The following NUCB2 variants were observed in gnomAD, a reference collection of about 807,000 sequenced individuals.
The protein encoded by NUCB2 is nucleobindin-2.
Under a neutral mutation model 57.9 loss-of-function variants are expected in NUCB2, and 48 were observed. The ratio of observed to expected loss-of-function variants is 0.83; its 90% CI spans 0.66 to 1.05. The LOEUF (loss-of-function observed/expected upper bound fraction) is 1.05, where lower values mean the gene tolerates loss of function less well. Among genes scored for constraint, NUCB2 ranks in the 50% least tolerant of loss-of-function variants. The pLI, the probability that NUCB2 is intolerant of heterozygous loss-of-function variation, is 0.00. For synonymous variants in NUCB2, 139 were observed against 152.1 expected (o/e 0.91, Z 0.64); for missense variants, 442 against 476.2 (o/e 0.93, Z 0.67).
At chr11:17,285,446 A>G (rs1308629410) in intron 2 of NUCB2, among the ~76,000 whole-genome samples, 3 of 152,020 alleles carry the variant, frequency 2.0e-5, no homozygotes, top group Admixed American at 6.6e-5. Flanking sequence ...GCATGGTGGC[A>G]TGCGCCTGTA....
intron 10 of NUCB2, among the ~76,000 whole-genome samples, chr11:17,313,429 C>T (rs1467250150): frequency 6.6e-6 from 1 of 152,060 alleles, no homozygotes; most frequent in African/African-American, 2.4e-5. Context: ...ACTCGGGAGG[C>T]TGAGGCATGA....
At chr11:17,291,994 G>A (rs1191897097) in intron 2 of NUCB2, among the ~76,000 whole-genome samples, 1 of 151,996 alleles carries the variant, frequency 6.6e-6, no homozygotes, top group East Asian at 1.9e-4. Context: ...CATTTTAAAT[G>A]AATGGTGTGA....
At chr11:17,296,285 ATAAC>A (rs1945808329) in intron 4 of NUCB2, 74 bp downstream of exon 4, 1 of 816,910 alleles carries the variant, frequency 1.2e-6, no homozygotes, top group South Asian at 2.1e-5. Context: ...GTCTCACCAT[ATAAC>A]CCAGGTTGGC....
chr11:17,335,235 T>C (rs1280560934), downstream of NUCB2, among the ~76,000 whole-genome samples: 1 of 151,920 alleles, frequency 6.6e-6, no homozygotes, highest in African/African-American at 2.4e-5. Flanking sequence ...TGATGACTAC[T>C]ATCTGTGACA....
chr11:17,279,120 A>G (rs889159375), intron 1 of NUCB2, among the ~76,000 whole-genome samples: 1 of 152,158 alleles, frequency 6.6e-6, no homozygotes, highest in African/African-American at 2.4e-5. Context: ...TTGAACCTGG[A>G]GGCGGAGGTT....
chr11:17,293,769 C>G (rs1400965152), intron 2 of NUCB2, among the ~76,000 whole-genome samples: 2 of 152,076 alleles, frequency 1.3e-5, no homozygotes, highest in African/African-American at 2.4e-5. Context: ...AAACATACTG[C>G]TAAGTGATAA....
chr11:17,289,997 A>T (rs1944652340), intron 2 of NUCB2, among the ~76,000 whole-genome samples: 1 of 152,260 alleles, frequency 6.6e-6, no homozygotes, highest in South Asian at 2.1e-4. Flanking sequence ...TATTGGAGGC[A>T]TAGTTGGTTT....
At chr11:17,293,913 AT>A (rs1194099804) in intron 2 of NUCB2, among the ~76,000 whole-genome samples, 1 of 152,192 alleles carries the variant, frequency 6.6e-6, no homozygotes, top group African/African-American at 2.4e-5. Context: ...TGAGTGACTG[AT>A]AATGGGTATG....
intron 4 of NUCB2, among the ~76,000 whole-genome samples, chr11:17,299,542 C>T (rs1463986453): frequency 6.6e-6 from 1 of 152,060 alleles, no homozygotes; most frequent in Non-Finnish European, 1.5e-5. Flanking sequence ...CTTATAGAGG[C>T]CCACTGACTT....
intron 11 of NUCB2, among the ~76,000 whole-genome samples, chr11:17,323,436 T>C (rs1212232894): frequency 1.3e-5 from 2 of 152,188 alleles, no homozygotes; most frequent in Non-Finnish European, 2.9e-5. Flanking sequence ...GGCCGTGATG[T>C]ATGATCTTTT....
chr11:17,284,199 G>A (rs527726299), intron 2 of NUCB2, among the ~76,000 whole-genome samples: 22 of 152,126 alleles, frequency 1.4e-4, no homozygotes, highest in Middle Eastern at 3.4e-3. Context: ...TGTATTTTTA[G>A]TAGAGATGGG....
intron 2 of NUCB2, among the ~76,000 whole-genome samples, chr11:17,339,160 G>GT (rs1489640815): frequency 6.6e-6 from 1 of 151,366 alleles, no homozygotes. Context: ...GCTAATTTTT[G>GT]TTTTTTCAGT....
chr11:17,330,868 G>A lies in NUCB2; in HGVS notation c.1174-34G>A, dbSNP rs1447902800. On this transcript the variant is annotated intron_variant, in intron 12 of 13. Transcript: ENST00000529010. The surrounding 1 kb of genome is among the most constrained non-coding windows in gnomAD (Gnocchi z 4.3). ...GGTCACACATATGATAGAAAATCAA[G>A]TTATACTTTTAACTTTCATTTTCCA... is the stretch of plus-strand genomic sequence containing the variant. 8.0e-7 allele frequency: 1 copy of A among 1,253,676 alleles called. No homozygotes were observed. The highest frequency in any genetic ancestry group is 1.2e-6 in the Non-Finnish European group (1 of 852,004). The allele number at this position is 1,253,676 out of a possible 1,614,324, so 77.7% of individuals were successfully genotyped here. A position where few individuals can be genotyped will look rare whatever the true frequency, so the allele number is the denominator to read the frequency against.
chr11:17,288,442 C>T (rs1330358035), intron 2 of NUCB2, among the ~76,000 whole-genome samples: 1 of 152,108 alleles, frequency 6.6e-6, no homozygotes, highest in Admixed American at 6.6e-5. Context: ...GTCTTCTTAC[C>T]TCAGCTTCCT....
chr11:17,300,441 C>CT (rs919416513), intron 4 of NUCB2, among the ~76,000 whole-genome samples: 1 of 152,178 alleles, frequency 6.6e-6, no homozygotes. Context: ...AATTGCGCCC[C>CT]TTTCCCCAAC....
intron 1 of NUCB2, among the ~76,000 whole-genome samples, chr11:17,278,093 G>T (rs879555091): frequency 6.7e-6 from 1 of 148,978 alleles, no homozygotes. Flanking sequence ...GACAATTTTA[G>T]AAACTTAAAG....
At chr11:17,281,935 C>T (rs1201602906) in intron 1 of NUCB2, among the ~76,000 whole-genome samples, 1 of 151,420 alleles carries the variant, frequency 6.6e-6, no homozygotes. Context: ...TTATGTTTTA[C>T]ATGTTATTTG....
intron 2 of NUCB2, among the ~76,000 whole-genome samples, chr11:17,341,158 T>C (rs1216100627): frequency 2.0e-5 from 3 of 152,240 alleles, no homozygotes; most frequent in Non-Finnish European, 4.4e-5. Context: ...TTTTTGCACA[T>C]TGATTTTGTA....
In NUCB2 at chr11:17,312,200, A is replaced by G. The variant is rs901405590; in HGVS notation, c.912+80A>G. 4.9e-6 allele frequency: 4 copies of G among 812,416 alleles called. No individual in the cohort carries two copies. In the African/African-American group the frequency reaches 7.1e-5, roughly 15 times the overall value. The allele number at this position is 812,416 out of a possible 1,614,324, so 50.3% of individuals were successfully genotyped here. On this transcript the variant is annotated intron_variant, in intron 10 of 13. Transcript: ENST00000529010. ...GCAATAAATCTTTAAGATGGAAAAT[A>G]TACAGAATTTGTATTTAAATGGAGT...
Sources: allele counts gnomAD v4.1 joint callset (sites outside exome capture counted in the v4.1 genomes callset), GRCh38; gene constraint gnomAD v4.1.1; non-coding constraint Gnocchi (gnomAD v3.1); transcripts MANE v1.5; gene names NCBI Gene and HGNC (gene_info 2026-07-23, HGNC 2026-07-21).